The following THSD7A variants were observed in gnomAD, a reference collection of about 807,000 sequenced individuals.
THSD7A encodes the protein thrombospondin type 1 domain containing 7A, also known as thrombospondin type-1 domain-containing protein 7A.
Under a neutral mutation model 231.3 loss-of-function variants are expected in THSD7A, and 96 were observed. The observed-to-expected ratio is 0.41, with a 90% CI of 0.35 to 0.49. THSD7A has a LOEUF of 0.49. Ranked by LOEUF, THSD7A falls within the 20% of genes least tolerant of loss-of-function variation. The probability of loss-of-function intolerance (pLI) is 0.05; values close to 1 mark genes in which losing one functional copy is unlikely to be tolerated. For missense variants in THSD7A, 2,290 were observed against 2,070.2 expected (o/e 1.11, Z -2.06); for synonymous variants, 940 against 743.3 (o/e 1.26, Z -4.30).
intron 8 of THSD7A, among the ~76,000 whole-genome samples, chr7:11,472,725 C>G (rs531475582): frequency 3.3e-5 from 5 of 152,232 alleles, no homozygotes; most frequent in Admixed American, 1.3e-4. Flanking sequence ...ACATCCATTA[C>G]TCAGGAAAAA....
chr7:11,786,562 AG>A (rs774075065), intron 1 of THSD7A, among the ~76,000 whole-genome samples: 4 of 149,636 alleles, frequency 2.7e-5, no homozygotes, highest in Non-Finnish European at 5.9e-5. Context: ...TATTAGAAAA[AG>A]CACTTGAGAC....
chr7:11,820,819 C>A (rs1000095626), intron 1 of THSD7A: 2 of 981,014 alleles, frequency 2.0e-6, no homozygotes, highest in African/African-American at 3.2e-5. Context: ...CTCTCCGGTG[C>A]TTCTTCTGCT....
At chr7:11,533,953 T>C (rs184577066) in intron 6 of THSD7A, among the ~76,000 whole-genome samples, 2 of 152,308 alleles carry the variant, frequency 1.3e-5, no homozygotes, top group Non-Finnish European at 2.9e-5. Flanking sequence ...CATTTTTGAA[T>C]GGGAGAGTGC....
intron 1 of THSD7A, among the ~76,000 whole-genome samples, chr7:11,721,958 T>G (rs1781369988): frequency 6.6e-6 from 1 of 151,766 alleles, no homozygotes; most frequent in African/African-American, 2.4e-5. Flanking sequence ...CCAATTCCTT[T>G]AATACGCTCT....
intron 7 of THSD7A, among the ~76,000 whole-genome samples, chr7:11,477,090 T>C (rs1308568130): frequency 6.6e-6 from 1 of 152,182 alleles, no homozygotes; most frequent in Non-Finnish European, 1.5e-5. Flanking sequence ...TTATGACCAT[T>C]GAATCCTCAG....
At chr7:11,438,746 C>G (rs1401041254) in intron 13 of THSD7A, among the ~76,000 whole-genome samples, 2 of 151,962 alleles carry the variant, frequency 1.3e-5, no homozygotes, top group African/African-American at 4.8e-5. Flanking sequence ...GTCCACATGG[C>G]AGTACCAAGG....
chr7:11,762,136 T>C (rs779445204), intron 1 of THSD7A, among the ~76,000 whole-genome samples: 40 of 152,328 alleles, frequency 2.6e-4, no homozygotes, highest in Admixed American at 1.4e-3. Context: ...CACATTTTTT[T>C]ATCCAAGCTA....
chr7:11,657,037 G>C (rs1429323862), intron 1 of THSD7A, among the ~76,000 whole-genome samples: 1 of 151,764 alleles, frequency 6.6e-6, no homozygotes, highest in African/African-American at 2.4e-5. Flanking sequence ...CTACAGTCAT[G>C]ATCTTGAAGA....
chr7:11,672,405 T>C (rs1238358874), intron 1 of THSD7A, among the ~76,000 whole-genome samples: 1 of 152,176 alleles, frequency 6.6e-6, no homozygotes, highest in Non-Finnish European at 1.5e-5. Context: ...CATTAAATTA[T>C]ACCTTTCACT....
chr7:11,683,193 T>C (rs75302756), intron 1 of THSD7A, among the ~76,000 whole-genome samples: 15,241 of 150,214 alleles, frequency 0.1, 967 homozygotes, highest in South Asian at 0.16. Context: ...TAGAAATCAA[T>C]ATCATCAGGA....
chr7:11,505,313 T>C (rs1447443966), intron 6 of THSD7A, among the ~76,000 whole-genome samples: 1 of 152,208 alleles, frequency 6.6e-6, no homozygotes, highest in Non-Finnish European at 1.5e-5. Flanking sequence ...TAACTTCAAA[T>C]ATCCATTTCA....
chr7:11,435,674 A>G (rs115574903), intron 13 of THSD7A, among the ~76,000 whole-genome samples: 3,160 of 151,892 alleles, frequency 0.021, 111 homozygotes, highest in African/African-American at 0.073. Flanking sequence ...CACCTCAGCT[A>G]CCTGTCCTTT....
At chr7:11,777,383 A>C (rs1042968746) in intron 1 of THSD7A, among the ~76,000 whole-genome samples, 1 of 151,330 alleles carries the variant, frequency 6.6e-6, no homozygotes. Context: ...ATAATAGTGT[A>C]AAAAAAACTA....
chr7:11,532,769 T>A (rs571316404), intron 6 of THSD7A, among the ~76,000 whole-genome samples: 1 of 152,296 alleles, frequency 6.6e-6, no homozygotes, highest in South Asian at 2.1e-4. Flanking sequence ...TGATATGCTA[T>A]TGGAAGAGAA....
At chr7:11,673,155 G>C (rs1008059829) in intron 1 of THSD7A, among the ~76,000 whole-genome samples, 7 of 152,098 alleles carry the variant, frequency 4.6e-5, no homozygotes, top group African/African-American at 4.8e-5. Context: ...AGCCTGCCTG[G>C]AGTCACTGAG....
intron 6 of THSD7A, among the ~76,000 whole-genome samples, chr7:11,537,880 G>C (rs775649416): frequency 1.3e-5 from 2 of 152,148 alleles, no homozygotes; most frequent in Non-Finnish European, 2.9e-5. Context: ...CATGTGCTTA[G>C]ACATAGGCCT....
At chr7:11,793,323 T>C (rs976340863) in intron 1 of THSD7A, among the ~76,000 whole-genome samples, 1 of 151,888 alleles carries the variant, frequency 6.6e-6, no homozygotes, top group African/African-American at 2.4e-5. Flanking sequence ...ATTCTTCTAG[T>C]AGGTAATAGA....
intron 1 of THSD7A, among the ~76,000 whole-genome samples, chr7:11,769,944 T>C (rs1273714401): frequency 1.3e-5 from 2 of 152,098 alleles, no homozygotes; most frequent in Non-Finnish European, 2.9e-5. Flanking sequence ...ATTTATATTA[T>C]TCTAATCTTA....
At chr7:11,400,698 C>T (rs1783370722) in intron 23 of THSD7A, among the ~76,000 whole-genome samples, 1 of 152,108 alleles carries the variant, frequency 6.6e-6, no homozygotes, top group African/African-American at 2.4e-5. Context: ...CAGGTAATTC[C>T]ATCTAATTCT....
Sources: allele counts gnomAD v4.1 joint callset (sites outside exome capture counted in the v4.1 genomes callset), GRCh38; gene constraint gnomAD v4.1.1; transcripts MANE v1.5; gene names NCBI Gene and HGNC (gene_info 2026-07-23, HGNC 2026-07-21).